TENM2: variants seen among roughly 807,000 people sequenced by gnomAD.
TENM2 encodes teneurin transmembrane protein 2, also known as teneurin-2.
Under a neutral mutation model 245.2 loss-of-function variants are expected in TENM2, and 52 were observed. That is an observed-to-expected ratio of 0.21 (90% CI 0.17 to 0.27). The LOEUF is 0.27. Among genes scored for constraint, TENM2 ranks in the 10% least tolerant of loss-of-function variants. The probability of loss-of-function intolerance (pLI) is 1.00; values close to 1 mark genes in which losing one functional copy is unlikely to be tolerated. For missense variants in TENM2, 3,046 were observed against 3,666.8 expected, an observed-to-expected ratio of 0.83 and a Z score of 4.37; for synonymous variants, 1,363 against 1,438.9, an observed-to-expected ratio of 0.95 and a Z score of 1.19.
At chr5:167,963,179 C>T (rs527642672) in intron 4 of TENM2, among the ~76,000 whole-genome samples, 4 of 152,178 alleles carry the variant, frequency 2.6e-5, no homozygotes, top group Admixed American at 2.0e-4. Flanking sequence ...GCTGCTTCAG[C>T]TGGGTTTTGA....
the TENM2 span, among the ~76,000 whole-genome samples, chr5:167,192,531 G>A: frequency 2.6e-5 from 4 of 152,190 alleles, no homozygotes; most frequent in Admixed American, 1.3e-4. Context: ...CAAGAGCAAT[G>A]TAGGATGCCA....
chr5:168,165,015 T>C (rs563183733), intron 13 of TENM2: 1 of 152,288 alleles, frequency 6.6e-6, no homozygotes, highest in Admixed American at 6.5e-5. Context: ...TTTTTTCTCA[T>C]CCTCTTAATG....
chr5:167,235,335 A>G, the TENM2 span, among the ~76,000 whole-genome samples: 2 of 152,172 alleles, frequency 1.3e-5, no homozygotes, highest in African/African-American at 2.4e-5. Context: ...GGACTTCAAC[A>G]TATGAATTTG....
At chr5:167,933,799 G>A (rs11134481) in intron 3 of TENM2, among the ~76,000 whole-genome samples, 5,923 of 152,196 alleles carry the variant, frequency 0.039, 170 homozygotes, top group South Asian at 0.1. Flanking sequence ...GCCTCCTGAT[G>A]TGTATAATGG....
intron 2 of TENM2, among the ~76,000 whole-genome samples, chr5:167,562,321 CT>C (rs1773645854): frequency 6.6e-6 from 1 of 152,126 alleles, no homozygotes; most frequent in African/African-American, 2.4e-5. Context: ...TTTTTTCCCC[CT>C]AACAATAGAG....
rs561279974 is a variant in TENM2 at position 167,336,846 on chromosome 5, G to A, written c.227-38352G>A. Among the ~76,000 whole-genome samples, 293 of 151,332 alleles carry A rather than the reference G, an allele frequency of 1.9e-3. 2 individuals carry two copies. The highest frequency in any genetic ancestry group is 5.9e-3 in the African/African-American group (244 of 41,378). On this transcript the variant is annotated intron_variant, in intron 1 of 28. Transcript: ENST00000518659. ...AAAAAAAAAAAAATCGGCCGGGTGC[G>A]GTGGCTCACGCCTGTAATCCCAGCA...
intron 6 of TENM2, among the ~76,000 whole-genome samples, chr5:168,047,813 G>C (rs1380072884): frequency 1.3e-5 from 2 of 152,200 alleles, no homozygotes; most frequent in Admixed American, 6.5e-5. Flanking sequence ...GCAGCAACTG[G>C]CATGGTCCAG....
In TENM2 at chr5:167,490,966, C is replaced by T. The variant is rs116310630; in HGVS notation, c.502+115493C>T. The stretch of plus-strand genomic sequence containing the variant: ...TGTTGACTTCATTTATCAGAATCTT[C>T]AGGATGGTAAAAACAGCTTCTAGTA... On this transcript the variant is annotated intron_variant, in intron 2 of 28. Coordinates refer to ENST00000518659, the Ensembl canonical transcript of TENM2. 6.1e-3 allele frequency among the ~76,000 whole-genome samples: 922 copies of T among 152,224 alleles called. 14 individuals carry two copies. Among genetic ancestry groups the T allele is most frequent in the African/African-American group, 0.021 (883 of 41,552 alleles).
chr5:168,167,542 C>A (rs1445519736), intron 13 of TENM2, among the ~76,000 whole-genome samples: 1 of 152,136 alleles, frequency 6.6e-6, no homozygotes, highest in Non-Finnish European at 1.5e-5. Flanking sequence ...AACCACATCA[C>A]CTGGAGGTAG....
chr5:167,705,256 T>C (rs1758425640), intron 2 of TENM2, among the ~76,000 whole-genome samples: 1 of 152,172 alleles, frequency 6.6e-6, no homozygotes, highest in Non-Finnish European at 1.5e-5. Flanking sequence ...TGTGCTGAGC[T>C]CAAACGAGGT....
intron 2 of TENM2, among the ~76,000 whole-genome samples, chr5:167,459,245 T>C (rs1349710300): frequency 3.3e-5 from 5 of 152,224 alleles, no homozygotes; most frequent in African/African-American, 4.8e-5. Context: ...TCCTACGATA[T>C]CTGTTGTTTT....
intron 19 of TENM2, among the ~76,000 whole-genome samples, chr5:168,207,338 T>C (rs999158364): frequency 1.3e-5 from 2 of 152,056 alleles, no homozygotes; most frequent in Non-Finnish European, 2.9e-5. Context: ...TCTCTCGAGT[T>C]GTGGAGGCCA....
intron 1 of TENM2, among the ~76,000 whole-genome samples, chr5:167,367,872 G>A (rs1170058517): frequency 6.6e-6 from 1 of 151,806 alleles, no homozygotes; most frequent in Non-Finnish European, 1.5e-5. Flanking sequence ...AAAACTTAAG[G>A]CATCATGTCA....
chr5:167,217,113 A>G, the TENM2 span, among the ~76,000 whole-genome samples: 12 of 152,164 alleles, frequency 7.9e-5, no homozygotes, highest in Non-Finnish European at 1.6e-4. Context: ...TTTGAAAACT[A>G]CTGACCTTCA....
At chr5:167,090,419 G>C in the TENM2 span, among the ~76,000 whole-genome samples, 1 of 152,048 alleles carries the variant, frequency 6.6e-6, no homozygotes, top group Admixed American at 6.6e-5. Context: ...ACTGTTAATT[G>C]TTGCCAAGAA....
At chr5:167,527,197 C>T (rs1016324292) in intron 2 of TENM2, among the ~76,000 whole-genome samples, 1 of 152,018 alleles carries the variant, frequency 6.6e-6, no homozygotes, top group Non-Finnish European at 1.5e-5. Flanking sequence ...TTGGATTTAA[C>T]TTTTTGATGC....
At chr5:167,981,073 C>A (rs769289121) in intron 4 of TENM2, among the ~76,000 whole-genome samples, 1 of 152,218 alleles carries the variant, frequency 6.6e-6, no homozygotes, top group Non-Finnish European at 1.5e-5. Flanking sequence ...CATCCAGTGA[C>A]TGGTCCGAGT....
At chr5:167,002,183 G>C in the TENM2 span, among the ~76,000 whole-genome samples, 1 of 152,054 alleles carries the variant, frequency 6.6e-6, no homozygotes, top group Non-Finnish European at 1.5e-5. Context: ...AGAATGTTTT[G>C]TTTCATCTTC....
intron 1 of TENM2, among the ~76,000 whole-genome samples, chr5:167,344,213 AACTG>A (rs761291738): frequency 3.4e-5 from 5 of 149,030 alleles, no homozygotes; most frequent in African/African-American, 1.2e-4. Context: ...AGAGATATGA[AACTG>A]ACTGCATAAA....
Sources: allele counts gnomAD v4.1 joint callset (sites outside exome capture counted in the v4.1 genomes callset), GRCh38; gene constraint gnomAD v4.1.1; transcripts MANE v1.5; gene names NCBI Gene and HGNC (gene_info 2026-07-23, HGNC 2026-07-21).